The following KCNQ3 variants were observed in gnomAD, a reference collection of about 807,000 sequenced individuals.
The protein encoded by KCNQ3 is potassium voltage-gated channel subfamily Q member 3, also known as potassium voltage-gated channel subfamily KQT member 3.
KCNQ3 carries 30 observed loss-of-function variants against 92.5 expected under a neutral mutation model. The ratio of observed to expected loss-of-function variants is 0.32; its 90% confidence interval spans 0.24 to 0.44. The LOEUF (loss-of-function observed/expected upper bound fraction) is 0.44. Ranked by LOEUF, KCNQ3 falls within the 20% of genes least tolerant of loss-of-function variation. The probability of loss-of-function intolerance (pLI) is 1.00; values close to 1 mark genes in which losing one functional copy is unlikely to be tolerated. For missense variants in KCNQ3, 913 were observed against 1,140.3 expected, an observed-to-expected ratio of 0.80 and a Z score of 2.87; for synonymous variants, 450 against 468.8, an observed-to-expected ratio of 0.96 and a Z score of 0.52.
chr8:132,323,247 T>A (rs969356603), intron 1 of KCNQ3, among the ~76,000 whole-genome samples: 1 of 152,198 alleles, frequency 6.6e-6, no homozygotes, highest in African/African-American at 2.4e-5. Flanking sequence ...GGAAGAGATC[T>A]CCTGACCTCA....
At chr8:132,366,850 G>A (rs1819336846) in intron 1 of KCNQ3, among the ~76,000 whole-genome samples, 1 of 152,044 alleles carries the variant, frequency 6.6e-6, no homozygotes, top group Non-Finnish European at 1.5e-5. Flanking sequence ...GACTCTCTTT[G>A]CTAATATTTT....
intron 1 of KCNQ3, among the ~76,000 whole-genome samples, chr8:132,383,290 C>G (rs1330673783): frequency 6.6e-6 from 1 of 152,218 alleles, no homozygotes; most frequent in Non-Finnish European, 1.5e-5. Flanking sequence ...CCTGAGAAAT[C>G]AGACATTTTC....
intron 1 of KCNQ3, among the ~76,000 whole-genome samples, chr8:132,301,689 G>T (rs908430271): frequency 1.3e-5 from 2 of 152,084 alleles, no homozygotes; most frequent in African/African-American, 4.8e-5. Flanking sequence ...CCCAGATTCT[G>T]CCCTGAGAAT....
At chr8:132,270,424 C>T (rs993227685) in intron 1 of KCNQ3, among the ~76,000 whole-genome samples, 1 of 152,178 alleles carries the variant, frequency 6.6e-6, no homozygotes, top group African/African-American at 2.4e-5. Context: ...CTTCTAAGAA[C>T]TGTGTGTAAC....
chr8:132,272,813 G>A (rs540945208), intron 1 of KCNQ3, among the ~76,000 whole-genome samples: 35 of 152,252 alleles, frequency 2.3e-4, no homozygotes, highest in African/African-American at 8.4e-4. Context: ...AGATTTGGGT[G>A]GGGAAACAGC....
chr8:132,227,916 G>A (rs997020790), intron 1 of KCNQ3, among the ~76,000 whole-genome samples: 17 of 152,016 alleles, frequency 1.1e-4, no homozygotes, highest in African/African-American at 4.1e-4. Flanking sequence ...AGTTGGTGCT[G>A]TTATACCAAT....
At chr8:132,251,489 T>C (rs1815407490) in intron 1 of KCNQ3, among the ~76,000 whole-genome samples, 1 of 152,230 alleles carries the variant, frequency 6.6e-6, no homozygotes, top group Non-Finnish European at 1.5e-5. Flanking sequence ...ACGGTTTTAC[T>C]GAGCAATGGG....
intron 1 of KCNQ3, among the ~76,000 whole-genome samples, chr8:132,461,543 C>T (rs1204270688): frequency 3.3e-5 from 5 of 152,014 alleles, no homozygotes; most frequent in African/African-American, 7.2e-5. Context: ...CCAGCCTGGG[C>T]GACAAGAGCA....
At chr8:132,479,940 G>A (rs1348865438) in intron 1 of KCNQ3, among the ~76,000 whole-genome samples, 1 of 133,882 alleles carries the variant, frequency 7.5e-6, no homozygotes, top group East Asian at 2.4e-4. Context: ...GGAACACCCG[G>A]AGAGCGGCAA....
Position 132,169,922 on chromosome 8 carries a change from G to A in KCNQ3, c.1235+412C>T, listed in dbSNP as rs143422239. 2.9e-4 allele frequency among the ~76,000 whole-genome samples: 44 copies of A among 152,004 alleles called. 1 individual carries two copies. The East Asian group carries it at 7.4e-3, about 25-fold the overall frequency. The stretch of plus-strand genomic sequence containing the variant: ...TCACGCTCACTGTGTTGCCCAGGCT[G>A]AAGTGCTGTAGCACAATCTCTGGTC... On this transcript the variant is annotated intron_variant, in intron 8 of 14. Transcript: ENST00000388996.
chr8:132,138,452 T>C (rs1395442829), intron 11 of KCNQ3, among the ~76,000 whole-genome samples: 1 of 152,200 alleles, frequency 6.6e-6, no homozygotes, highest in Non-Finnish European at 1.5e-5. Flanking sequence ...CTGGTGCTCT[T>C]AATCACTGTC....
intron 1 of KCNQ3, among the ~76,000 whole-genome samples, chr8:132,237,019 T>C (rs1814838035): frequency 6.6e-6 from 1 of 152,072 alleles, no homozygotes. Context: ...GAGATTGAGG[T>C]GAGAATGCAG....
chr8:132,333,097 T>C (rs1343051219), intron 1 of KCNQ3, among the ~76,000 whole-genome samples: 1 of 152,162 alleles, frequency 6.6e-6, no homozygotes, highest in Non-Finnish European at 1.5e-5. Context: ...TCCTCCTTAG[T>C]AGACAGGGTT....
chr8:132,148,852 A>C (rs1230698506), intron 9 of KCNQ3, among the ~76,000 whole-genome samples: 1 of 152,162 alleles, frequency 6.6e-6, no homozygotes, highest in Non-Finnish European at 1.5e-5. Context: ...AGGCCTTTGG[A>C]CTTGGACTGA....
At chr8:132,191,609 G>GTGTA (rs1205081493) in intron 1 of KCNQ3, among the ~76,000 whole-genome samples, 1 of 147,256 alleles carries the variant, frequency 6.8e-6, no homozygotes, top group Non-Finnish European at 1.5e-5. Context: ...GTATGTGTGT[G>GTGTA]TATGTATATA....
At chr8:132,445,446 C>T (rs1821650128) in intron 1 of KCNQ3, among the ~76,000 whole-genome samples, 1 of 152,090 alleles carries the variant, frequency 6.6e-6, no homozygotes, top group African/African-American at 2.4e-5. Flanking sequence ...TTTATTTCCC[C>T]CATGCACCTG....
chr8:132,318,784 G>A (rs906498733), intron 1 of KCNQ3, among the ~76,000 whole-genome samples: 4 of 152,214 alleles, frequency 2.6e-5, no homozygotes, highest in Non-Finnish European at 5.9e-5. Context: ...CCAACTCTAT[G>A]GGAAACACTG....
intron 1 of KCNQ3, among the ~76,000 whole-genome samples, chr8:132,288,294 T>C (rs1433540118): frequency 1.3e-5 from 2 of 152,252 alleles, no homozygotes; most frequent in Non-Finnish European, 2.9e-5. Flanking sequence ...AATCACCTCA[T>C]TCTCATCAGC....
intron 1 of KCNQ3, among the ~76,000 whole-genome samples, chr8:132,233,644 C>A (rs542571399): frequency 1.7e-4 from 26 of 152,314 alleles, no homozygotes; most frequent in African/African-American, 4.8e-4. Context: ...AGACCTACAT[C>A]CTGCTTTCTT....
Sources: allele counts gnomAD v4.1 joint callset (sites outside exome capture counted in the v4.1 genomes callset), GRCh38; gene constraint gnomAD v4.1.1; transcripts MANE v1.5; gene names NCBI Gene and HGNC (gene_info 2026-07-23, HGNC 2026-07-21).